Variants in SCCPDH observed in about 807,000 individuals in gnomAD.
SCCPDH encodes the protein saccharopine dehydrogenase (putative), also known as saccharopine dehydrogenase-like oxidoreductase.
A neutral mutation model predicts 51.5 loss-of-function variants in SCCPDH; 34 were observed. The observed-to-expected ratio is 0.66, with a 90% CI of 0.50 to 0.88. SCCPDH has a LOEUF of 0.88. SCCPDH is among the 40% of genes least tolerant of loss of function. The pLI is 0.00. For missense variants in SCCPDH, 464 were observed against 527.1 expected (o/e 0.88, Z 1.17); for synonymous variants, 187 against 191.3 (o/e 0.98, Z 0.19).
At chr1:246,737,233 TAA>T (rs11374908) in intron 3 of SCCPDH, among the ~76,000 whole-genome samples, 1 of 142,996 alleles carries the variant, frequency 7.0e-6, no homozygotes, top group African/African-American at 2.6e-5. Flanking sequence ...GGAAACAAAT[TAA>T]AAAAAAAAAA....
At position 246,760,446 on chromosome 1, in the gene SCCPDH, C is replaced by A. The variant is rs1009568723; in HGVS notation, c.990+219C>A. Among the ~76,000 whole-genome samples the A allele has an allele frequency of 1.6e-4, 25 of 152,098 alleles. 1 individual carries two copies. The highest frequency in any genetic ancestry group is 1.6e-3 in the Admixed American group (24 of 15,262). On this transcript the variant is annotated intron_variant, in intron 9 of 11. Transcript: ENST00000366510. Reference sequence around the variant, plus strand: ...AGGCACACAGAGGCTAAGAAACTTGCCCAAGTTTCTCCAGGTAGTACATGG... The same window carrying A: ...AGGCACACAGAGGCTAAGAAACTTGACCAAGTTTCTCCAGGTAGTACATGG...
chr1:246,755,528 A>G (rs756215551), intron 5 of SCCPDH: 10 of 152,256 alleles, frequency 6.6e-5, no homozygotes, highest in Non-Finnish European at 1.3e-4. Flanking sequence ...CTTGAGGAGT[A>G]CAGCATCACA....
intron 3 of SCCPDH, among the ~76,000 whole-genome samples, chr1:246,738,745 C>T (rs962228004): frequency 6.6e-6 from 1 of 151,682 alleles, no homozygotes; most frequent in Admixed American, 6.6e-5. Context: ...CCCAGCTACT[C>T]GGGAAGCTGA....
At chr1:246,761,076 T>C (rs1267355884) in intron 9 of SCCPDH, among the ~76,000 whole-genome samples, 1 of 152,114 alleles carries the variant, frequency 6.6e-6, no homozygotes, top group Non-Finnish European at 1.5e-5. Context: ...GATGATATAC[T>C]CCCTGTACAA....
rs1184234132 is a variant in SCCPDH at position 246,740,263 on chromosome 1, C to G, written c.476C>G (p.Ala159Gly). The G allele has an allele frequency of 1.9e-6, 3 of 1,608,082 alleles. No homozygotes were observed. The highest frequency in any genetic ancestry group is 1.7e-5 in the Admixed American group (1 of 59,822). Residue 159 changes from alanine (A) to glycine (G), a missense_variant, in exon 4 of 12, where the codon GCA (alanine) becomes GGA (glycine). Transcript: ENST00000366510. ...AGCAGCGGCTTTGACTCCATTCCAGCAGATCTGGGAGTAATATATACCAGA... is the reference window on the plus strand; with the variant it reads ...AGCAGCGGCTTTGACTCCATTCCAGGAGATCTGGGAGTAATATATACCAGA... The part of the protein sequence containing the change: ...IGSSGFDSIP[A>G]DLGVIYTRNK...
At position 246,767,634 on chromosome 1, in the gene SCCPDH, C is replaced by T. The variant is rs116060777; in HGVS notation, c.*334C>T. The T allele has an allele frequency of 1.5e-3, 250 of 161,442 alleles. 3 individuals are homozygous for T. The highest frequency in any genetic ancestry group is 5.7e-3 in the African/African-American group (238 of 41,888). 10.0% of individuals were successfully genotyped at this position (161,442 alleles called of 1,614,324 possible). On this transcript the variant is annotated 3_prime_UTR_variant, in exon 12 of 12. Transcript: ENST00000366510. ...TGCAGCAGCATTCTCATCGGGGGTG[C>T]GCACACCATCGTTACTGTCGGGCAG...
chr1:246,738,308 C>G (rs920035439), intron 3 of SCCPDH, among the ~76,000 whole-genome samples: 2 of 150,996 alleles, frequency 1.3e-5, no homozygotes, highest in Non-Finnish European at 3.0e-5. Flanking sequence ...GTCAAGAGAT[C>G]GAGACCATCT....
intron 5 of SCCPDH, among the ~76,000 whole-genome samples, chr1:246,751,597 C>T (rs1446278221): frequency 3.3e-5 from 5 of 152,184 alleles, no homozygotes; most frequent in African/African-American, 1.2e-4. Context: ...AATTACTTTT[C>T]AATTATATGA....
chr1:246,753,655 A>T (rs934903244), intron 5 of SCCPDH, among the ~76,000 whole-genome samples: 1 of 152,038 alleles, frequency 6.6e-6, no homozygotes, highest in Non-Finnish European at 1.5e-5. Flanking sequence ...CGCTGTAGGA[A>T]CGTTTTGGCC....
At chr1:246,738,279 G>A (rs1229275695) in intron 3 of SCCPDH, among the ~76,000 whole-genome samples, 2 of 151,932 alleles carry the variant, frequency 1.3e-5, no homozygotes, top group East Asian at 3.9e-4. Context: ...TTGGGAGGCC[G>A]AGGCAGGCGG....
At chr1:246,760,297 T>G (rs1411121311) in intron 9 of SCCPDH, 70 bp downstream of exon 9, 11 of 1,283,704 alleles carry the variant, frequency 8.6e-6, no homozygotes. Context: ...ATCTAACACT[T>G]GACAGGGCAC....
At chr1:246,726,087 G>T (rs1668396129) in intron 1 of SCCPDH, among the ~76,000 whole-genome samples, 1 of 152,042 alleles carries the variant, frequency 6.6e-6, no homozygotes. Flanking sequence ...TCGATCTGCT[G>T]ACCTCGTGAT....
At chr1:246,759,180 A>G in intron 7 of SCCPDH, 29 bp downstream of exon 7, 1 of 1,177,250 alleles carries the variant, frequency 8.5e-7, no homozygotes, top group Non-Finnish European at 1.3e-6. Flanking sequence ...TTTATCAATA[A>G]AGTGTGTGTT....
intron 5 of SCCPDH, among the ~76,000 whole-genome samples, chr1:246,745,803 C>G (rs1668749462): frequency 6.6e-6 from 1 of 152,114 alleles, no homozygotes; most frequent in African/African-American, 2.4e-5. Flanking sequence ...ACCCCTCAGA[C>G]ACCGAGTTAA....
At position 246,767,555 on chromosome 1, in the gene SCCPDH, T is replaced by G. The variant is rs1184429795; in HGVS notation, c.*255T>G. Reference sequence around the variant, plus strand: ...TTTTCATTGATGTGTTCCTGGTAGATTTTCACGAATGAGCTGGCAGGTCTA... The same window carrying G: ...TTTTCATTGATGTGTTCCTGGTAGAGTTTCACGAATGAGCTGGCAGGTCTA... On this transcript the variant is annotated 3_prime_UTR_variant, in exon 12 of 12. Coordinates refer to ENST00000366510, the MANE Select transcript of SCCPDH (RefSeq NM_016002.3). The G allele has an allele frequency of 1.9e-5, 4 of 215,306 alleles. No individual in the cohort carries two copies. The highest frequency in any genetic ancestry group is 2.7e-5 in the Non-Finnish European group (3 of 109,260). 13.3% of individuals were successfully genotyped at this position (215,306 alleles called of 1,614,324 possible).
At chr1:246,759,392 G>A (rs558998644) in intron 7 of SCCPDH, among the ~76,000 whole-genome samples, 6 of 152,192 alleles carry the variant, frequency 3.9e-5, no homozygotes, top group Admixed American at 3.3e-4. Context: ...AATTCAATAC[G>A]GGAAATCCTG....
intron 5 of SCCPDH, chr1:246,755,607 T>A (rs1572304540): frequency 6.6e-6 from 1 of 152,560 alleles, no homozygotes; most frequent in African/African-American, 2.4e-5. Context: ...TGCCACTGTT[T>A]CCGTGGGCAC....
Position 246,724,507 on chromosome 1 carries a change from C to G in SCCPDH, c.85C>G (p.Arg29Gly). The G allele has an allele frequency of 6.4e-7, 1 of 1,571,934 alleles. No homozygotes were observed. The highest frequency in any genetic ancestry group is 8.6e-7 in the Non-Finnish European group (1 of 1,162,316). ...CCAGTTCGTGACCGAGGAGGTGGCC[C>G]GGGAGCAGGTGGACCCGGAGCGGAG... The part of the protein sequence containing the change: ...TGQFVTEEVA[R>G]EQVDPERSSR... The change falls in exon 1 of 12, where the codon CGG becomes GGG. Residue 29 changes from arginine (R) to glycine (G), a missense_variant. Arg to Gly is a moderately radical substitution (Grantham distance 125). Transcript: ENST00000366510.
At chr1:246,752,988 CGCCTCTCTGTCTCTTTCTCTCTCTTT>C (rs1668874500) in intron 5 of SCCPDH, among the ~76,000 whole-genome samples, 1 of 151,068 alleles carries the variant, frequency 6.6e-6, no homozygotes, top group Non-Finnish European at 1.5e-5. Flanking sequence ...TCTCTCTCTC[CGCCTCTCTGTCTCTTTCTCTCTCTTT>C]GCCTCTCTGT....
Sources: allele counts gnomAD v4.1 joint callset (sites outside exome capture counted in the v4.1 genomes callset), GRCh38; gene constraint gnomAD v4.1.1; transcripts MANE v1.5; gene names NCBI Gene and HGNC (gene_info 2026-07-23, HGNC 2026-07-21).